The following GNAL variants were observed in gnomAD, a reference collection of about 807,000 sequenced individuals.
The protein encoded by GNAL is G protein subunit alpha L, also known as guanine nucleotide-binding protein G(olf) subunit alpha.
GNAL carries 18 observed loss-of-function variants against 55.1 expected under a neutral mutation model. The ratio of observed to expected loss-of-function variants is 0.33; its 90% CI spans 0.23 to 0.48. The LOEUF (loss-of-function observed/expected upper bound fraction) is 0.48. Ranked by LOEUF, GNAL falls within the 20% of genes least tolerant of loss-of-function variation. The pLI is 0.99. For synonymous variants in GNAL, 253 were observed against 237.0 expected (o/e 1.07, Z -0.62); for missense variants, 412 against 614.1 (o/e 0.67, Z 3.48).
At chr18:11,789,598 T>C (rs549372343) in intron 4 of GNAL, among the ~76,000 whole-genome samples, 144 of 152,362 alleles carry the variant, frequency 9.5e-4, no homozygotes, top group African/African-American at 3.5e-3. Context: ...CCAGTTATCA[T>C]TGTATAGATT....
At chr18:11,880,644 A>G (rs2036657940) in intron 11 of GNAL, among the ~76,000 whole-genome samples, 1 of 152,222 alleles carries the variant, frequency 6.6e-6, no homozygotes, top group African/African-American at 2.4e-5. Flanking sequence ...GGTATCAGCT[A>G]GATAGCGACT....
rs12458816 is a variant in GNAL, at chr18:11,728,169, A to G, written c.377-24684A>G. On this transcript the variant is annotated intron_variant, in intron 1 of 11. Coordinates refer to ENST00000334049, the MANE Select transcript of GNAL (RefSeq NM_182978.4). ...ATTGAGGCCACAGTGCGCTGTGATC[A>G]CACCACTCCACTCCAGCCTGGGTAA... Among the ~76,000 whole-genome samples, 1,486 of 152,180 alleles carry G rather than the reference A, an allele frequency of 9.8e-3. 22 individuals carry two copies. The highest frequency in any genetic ancestry group is 0.031 in the African/African-American group (1,293 of 41,494).
chr18:11,777,995 A>G (rs1314759925), intron 4 of GNAL, among the ~76,000 whole-genome samples: 1 of 152,186 alleles, frequency 6.6e-6, no homozygotes, highest in Non-Finnish European at 1.5e-5. Context: ...GCCTCTGGGT[A>G]CAGAATCAGC....
rs922441554 is a variant in GNAL, at chr18:11,751,510, T to G, written c.377-1343T>G. On this transcript the variant is annotated intron_variant, in intron 1 of 11. Coordinates refer to ENST00000334049, the MANE Select transcript of GNAL (RefSeq NM_182978.4). This position sits in a 1 kb window ranked among gnomAD's most constrained non-coding sequence, Gnocchi z 4.5. ...AGCAGAACAAAGGCGGTGTGACTGG[T>G]GAGCCTCGGAGGGATCCTCCTCCCT... 1 of 985,326 alleles carries G rather than the reference T, an allele frequency of 1.0e-6. No homozygotes were observed. Among genetic ancestry groups the G allele is most frequent in the Admixed American group, 6.1e-5 (1 of 16,268 alleles). 61.0% of individuals were successfully genotyped at this position (985,326 alleles called of 1,614,324 possible).
chr18:11,707,464 A>G (rs1411995386), intron 1 of GNAL, among the ~76,000 whole-genome samples: 1 of 152,230 alleles, frequency 6.6e-6, no homozygotes, highest in Non-Finnish European at 1.5e-5. Context: ...ATGGCTTAAA[A>G]TATTCAGTAA....
At chr18:11,716,774 T>A (rs2031976761) in intron 1 of GNAL, among the ~76,000 whole-genome samples, 1 of 152,174 alleles carries the variant, frequency 6.6e-6, no homozygotes, top group African/African-American at 2.4e-5. Context: ...ATTGGTGTAT[T>A]TACAAACTTT....
At chr18:11,760,829 T>A (rs2033216042) in intron 4 of GNAL, among the ~76,000 whole-genome samples, 1 of 152,216 alleles carries the variant, frequency 6.6e-6, no homozygotes, top group African/African-American at 2.4e-5. Flanking sequence ...TGTGTTCAAA[T>A]TCTAGCCCTG....
intron 4 of GNAL, among the ~76,000 whole-genome samples, chr18:11,807,047 T>TA (rs1161609380): frequency 1.3e-5 from 2 of 151,830 alleles, no homozygotes; most frequent in African/African-American, 4.8e-5. Flanking sequence ...TAGTTCCAGC[T>TA]ACTGGGGAGG....
In GNAL at chr18:11,752,981, C is replaced by T. The variant is rs73397887; in HGVS notation, c.449+56C>T. 5.8e-3 allele frequency: 6,107 copies of T among 1,048,856 alleles called. 42 individuals are homozygous for T. The highest frequency in any genetic ancestry group is 0.017 in the African/African-American group (1,059 of 63,170). 65.0% of individuals were successfully genotyped at this position (1,048,856 alleles called of 1,614,324 possible). A position where few individuals can be genotyped will look rare whatever the true frequency, so the allele number is the denominator to read the frequency against. On this transcript the variant is annotated intron_variant, in intron 2 of 11. Coordinates refer to ENST00000334049, the MANE Select transcript of GNAL (RefSeq NM_182978.4). The surrounding 1 kb of genome is among the most constrained non-coding windows in gnomAD (Gnocchi z 4.5). The stretch of plus-strand genomic sequence containing the variant: ...ATGCAAACTTCGTCTCTCTCCCAGA[C>T]GTCCCAAAAGTGCTTTCTCTAAACA...
intron 4 of GNAL, among the ~76,000 whole-genome samples, chr18:11,781,164 C>T (rs1233997520): frequency 6.6e-6 from 1 of 152,166 alleles, no homozygotes; most frequent in East Asian, 1.9e-4. Flanking sequence ...TGTTTTAAAT[C>T]TACATTTACA....
chr18:11,819,486 AT>A (rs1391372883), intron 4 of GNAL, among the ~76,000 whole-genome samples: 1 of 152,116 alleles, frequency 6.6e-6, no homozygotes, highest in Non-Finnish European at 1.5e-5. Context: ...CATTATTTTT[AT>A]TTTATATAAC....
intron 4 of GNAL, chr18:11,810,557 C>T (rs1052542043): frequency 6.6e-6 from 1 of 152,250 alleles, no homozygotes; most frequent in Non-Finnish European, 1.5e-5. Context: ...CTGGACCAGT[C>T]CCAGCTCGTC....
At chr18:11,749,610 G>T (rs1304299589) in intron 1 of GNAL, among the ~76,000 whole-genome samples, 5 of 152,294 alleles carry the variant, frequency 3.3e-5, no homozygotes, top group Admixed American at 2.6e-4. Flanking sequence ...CGCCCTCAAG[G>T]AGTCCACAGT....
chr18:11,810,196 C>T (rs1420686586), intron 4 of GNAL, among the ~76,000 whole-genome samples: 1 of 152,192 alleles, frequency 6.6e-6, no homozygotes, highest in Non-Finnish European at 1.5e-5. Context: ...TTGTCAGAAC[C>T]AGGCTGGACA....
chr18:11,711,893 G>C (rs999841336), intron 1 of GNAL, among the ~76,000 whole-genome samples: 1 of 152,224 alleles, frequency 6.6e-6, no homozygotes, highest in Non-Finnish European at 1.5e-5. Flanking sequence ...CCTAGCTATA[G>C]ATTCTGGGAA....
intron 1 of GNAL, among the ~76,000 whole-genome samples, chr18:11,728,544 T>C (rs1410742586): frequency 6.6e-6 from 1 of 152,132 alleles, no homozygotes; most frequent in Non-Finnish European, 1.5e-5. Flanking sequence ...CAATTCTGAG[T>C]TGGACAACTC....
intron 1 of GNAL, among the ~76,000 whole-genome samples, chr18:11,710,005 T>C (rs1010988829): frequency 6.6e-6 from 1 of 152,212 alleles, no homozygotes; most frequent in Non-Finnish European, 1.5e-5. Flanking sequence ...GAGTGTTTAA[T>C]CATGAAATGG....
intron 1 of GNAL, among the ~76,000 whole-genome samples, chr18:11,724,826 G>A (rs1303630298): frequency 6.6e-6 from 1 of 152,206 alleles, no homozygotes; most frequent in African/African-American, 2.4e-5. Context: ...CCCAGGAGCA[G>A]GCCAAGGGTT....
intron 4 of GNAL, among the ~76,000 whole-genome samples, chr18:11,795,498 T>C (rs902565312): frequency 6.6e-6 from 1 of 152,046 alleles, no homozygotes. Context: ...ATTGAAATAA[T>C]TTATAAATAT....
Sources: allele counts gnomAD v4.1 joint callset (sites outside exome capture counted in the v4.1 genomes callset), GRCh38; gene constraint gnomAD v4.1.1; non-coding constraint Gnocchi (gnomAD v3.1); transcripts MANE v1.5; gene names NCBI Gene and HGNC (gene_info 2026-07-23, HGNC 2026-07-21).